The following TXNRD2 variants were observed in gnomAD, a reference collection of about 807,000 sequenced individuals.
TXNRD2 encodes the protein thioredoxin reductase 2, also known as thioredoxin reductase 2, mitochondrial.
TXNRD2 carries 67 observed loss-of-function variants against 70.8 expected under a neutral mutation model. The observed-to-expected ratio is 0.95, with a 90% CI of 0.78 to 1.16. The LOEUF is 1.16. Among genes scored for constraint, TXNRD2 ranks in the 50% most tolerant of loss-of-function variants. The probability of loss-of-function intolerance (pLI) is 0.00; values close to 1 mark genes in which losing one functional copy is unlikely to be tolerated. For synonymous variants in TXNRD2, 301 were observed against 295.8 expected (o/e 1.02, Z -0.18); for missense variants, 644 against 719.9 (o/e 0.89, Z 1.21).
At chr22:19,909,567 T>TTCAC (rs1569092886) in intron 8 of TXNRD2, among the ~76,000 whole-genome samples, 14 of 95,070 alleles carry the variant, frequency 1.5e-4, no homozygotes, top group African/African-American at 3.9e-4. Context: ...ACTACTCACA[T>TTCAC]ACACACACCA....
chr22:19,899,651 T>C (rs1285605896), intron 8 of TXNRD2, among the ~76,000 whole-genome samples: 1 of 152,238 alleles, frequency 6.6e-6, no homozygotes, highest in African/African-American at 2.4e-5. Context: ...ATATTTGCTC[T>C]TGTAGTGAAA....
At chr22:19,879,348 T>C (rs990288060) in intron 14 of TXNRD2, among the ~76,000 whole-genome samples, 3 of 151,992 alleles carry the variant, frequency 2.0e-5, no homozygotes, top group African/African-American at 7.3e-5. Context: ...GGCAGCAAGA[T>C]GAAACCGCAC....
chr22:19,878,202 TCTC>T lies in TXNRD2; in HGVS notation c.1348-18_1348-16del. The T allele has an allele frequency of 6.2e-7, 1 of 1,612,198 alleles. No homozygotes were observed. Among genetic ancestry groups the T allele is most frequent in the Non-Finnish European group, 8.5e-7 (1 of 1,179,246 alleles). Reference sequence around the variant, plus strand: ...AGGCACACCATCTGAAAGCCGCACATCTCAGCCACCAGCCCAGGAGGGGGCTGG... The same window carrying T: ...AGGCACACCATCTGAAAGCCGCACATAGCCACCAGCCCAGGAGGGGGCTGG... On this transcript the variant is annotated splice_polypyrimidine_tract_variant and intron_variant, in intron 15 of 17. Coordinates refer to ENST00000400521, the MANE Select transcript of TXNRD2 (RefSeq NM_006440.5).
chr22:19,907,223 A>G (rs71312716), intron 8 of TXNRD2, among the ~76,000 whole-genome samples: 122 of 35,884 alleles, frequency 3.4e-3, no homozygotes, highest in Middle Eastern at 0.02. Flanking sequence ...GGGCGCCGTG[A>G]GTAGCAGTGA....
At chr22:19,927,105 C>T (rs1005839723) in intron 2 of TXNRD2, among the ~76,000 whole-genome samples, 1 of 151,796 alleles carries the variant, frequency 6.6e-6, no homozygotes, top group Non-Finnish European at 1.5e-5. Flanking sequence ...ACCAGCCTGG[C>T]CAACATGGTG....
intron 1 of TXNRD2, among the ~76,000 whole-genome samples, chr22:19,935,669 C>A (rs1481470498): frequency 6.6e-6 from 1 of 152,200 alleles, no homozygotes; most frequent in African/African-American, 2.4e-5. Flanking sequence ...AGCAGCCCAG[C>A]TGTAAAATTC....
chr22:19,898,623 C>A (rs1939630704), intron 9 of TXNRD2, among the ~76,000 whole-genome samples: 1 of 150,608 alleles, frequency 6.6e-6, no homozygotes, highest in Admixed American at 6.7e-5. Context: ...CAAGCGGTTC[C>A]CCTGCCTCAG....
chr22:19,920,597 G>GAAAA (rs3081735), intron 2 of TXNRD2, among the ~76,000 whole-genome samples: 3 of 134,934 alleles, frequency 2.2e-5, no homozygotes, highest in African/African-American at 5.2e-5. Flanking sequence ...AAGAAAGAAA[G>GAAAA]AAAAAAAAAA....
At chr22:19,932,247 GC>G in intron 1 of TXNRD2, 1 of 1,589,354 alleles carries the variant, frequency 6.3e-7, no homozygotes, top group Non-Finnish European at 8.6e-7. Flanking sequence ...GTCTTGGTGT[GC>G]CCAGCTGCAG....
chr22:19,890,601 C>T (rs955436054), intron 11 of TXNRD2, among the ~76,000 whole-genome samples: 2 of 152,176 alleles, frequency 1.3e-5, no homozygotes, highest in African/African-American at 2.4e-5. Flanking sequence ...ACACCCACCG[C>T]GGCCCCTAAG....
chr22:19,911,086 C>CA lies in TXNRD2; in HGVS notation c.662+290dup, dbSNP rs55813218. 54,362 of 364,106 alleles carry CA rather than the reference C, an allele frequency of 0.15. 1,584 individuals are homozygous for CA. Among genetic ancestry groups the CA allele is most frequent in the Non-Finnish European group, 0.18 (34,655 of 195,150 alleles). 22.6% of individuals were successfully genotyped at this position (364,106 alleles called of 1,614,324 possible). A position where few individuals can be genotyped will look rare whatever the true frequency, so the allele number is the denominator to read the frequency against. ...TGAGAATTCACCTAAAAAAAAAAGC[C>CA]AAAAAAAAAACCAAAACAGATTTTT... On this transcript the variant is annotated intron_variant, in intron 8 of 17. Transcript: ENST00000400521.
intron 10 of TXNRD2, among the ~76,000 whole-genome samples, chr22:19,896,973 G>A (rs1252434322): frequency 6.6e-6 from 1 of 152,174 alleles, no homozygotes; most frequent in East Asian, 1.9e-4. Flanking sequence ...CAGCCTGGCT[G>A]CCTAGACTGT....
At chr22:19,923,227 A>C (rs2146063384) in intron 2 of TXNRD2, among the ~76,000 whole-genome samples, 1 of 152,208 alleles carries the variant, frequency 6.6e-6, no homozygotes, top group East Asian at 1.9e-4. Context: ...CCACTCTTTA[A>C]AATTTAAAAC....
intron 7 of TXNRD2, among the ~76,000 whole-genome samples, chr22:19,914,478 GAAGT>G (rs1333176745): frequency 6.6e-6 from 1 of 152,212 alleles, no homozygotes; most frequent in East Asian, 1.9e-4. Context: ...TATGCTCAGT[GAAGT>G]AAGCCAGTCA....
intron 1 of TXNRD2, among the ~76,000 whole-genome samples, chr22:19,937,478 T>G (rs1379274007): frequency 6.6e-6 from 1 of 152,222 alleles, no homozygotes; most frequent in Non-Finnish European, 1.5e-5. Context: ...CTTTTCAAAA[T>G]GCGAACCATG....
At chr22:19,885,132 G>T (rs577393759) in intron 11 of TXNRD2, among the ~76,000 whole-genome samples, 84 of 152,328 alleles carry the variant, frequency 5.5e-4, no homozygotes, top group African/African-American at 1.9e-3. Context: ...CGAACAGCCA[G>T]CAGAGGTCCC....
intron 11 of TXNRD2, among the ~76,000 whole-genome samples, chr22:19,888,552 A>G (rs946408673): frequency 2.0e-5 from 3 of 152,240 alleles, no homozygotes; most frequent in African/African-American, 7.2e-5. Context: ...GGTGAGAGGT[A>G]AGTGCCAGCA....
chr22:19,924,687 G>C (rs1305211261), intron 2 of TXNRD2, among the ~76,000 whole-genome samples: 1 of 152,112 alleles, frequency 6.6e-6, no homozygotes, highest in East Asian at 1.9e-4. Context: ...ATCTTTTATT[G>C]GTGGGTTTGA....
In TXNRD2 at chr22:19,941,761, A is replaced by C. The variant is rs1941728679; in HGVS notation, c.43T>G (p.Phe15Val). The C allele has an allele frequency of 2.0e-6, 3 of 1,512,116 alleles. No individual in the cohort carries two copies. The East Asian group carries it at 8.1e-5, about 41-fold the overall frequency. The allele number at this position is 1,512,116 out of a possible 1,614,324, so 93.7% of individuals were successfully genotyped here. ...AVALRGLGGR[F>V]RWRTQAVAGG... ...GCCACGGCCTGCGTCCGCCACCGGAAGCGCCCTCCTAATCCCCGCAGCGCC... is the reference window on the plus strand; with the variant it reads ...GCCACGGCCTGCGTCCGCCACCGGACGCGCCCTCCTAATCCCCGCAGCGCC... Residue 15 changes from phenylalanine (F) to valine (V), a missense_variant, in exon 1 of 18, where the codon TTC becomes GTC. Phe to Val is a conservative substitution (Grantham distance 50). This residue lies in a region of TXNRD2 where 71 missense variants were observed against 53.6 expected (regional missense o/e 1.33). Transcript: ENST00000400521.
Sources: allele counts gnomAD v4.1 joint callset (sites outside exome capture counted in the v4.1 genomes callset), GRCh38; gene constraint gnomAD v4.1.1; regional missense constraint gnomAD v4.1.1; transcripts MANE v1.5; gene names NCBI Gene and HGNC (gene_info 2026-07-23, HGNC 2026-07-21).